The following RBM25 variants were observed in gnomAD, a reference collection of about 807,000 sequenced individuals.
RBM25 encodes the protein RNA binding motif protein 25, also known as RNA-binding protein 25.
In RBM25, 19 loss-of-function variants were observed where a neutral mutation model predicts 120.7. That is an observed-to-expected ratio of 0.16 (90% CI 0.11 to 0.23). RBM25 has a LOEUF of 0.23. Among genes scored for constraint, RBM25 ranks in the 10% least tolerant of loss-of-function variants. The pLI, the probability that RBM25 is intolerant of heterozygous loss-of-function variation, is 1.00. For synonymous variants in RBM25, 390 were observed against 326.7 expected, an observed-to-expected ratio of 1.19 and a Z score of -2.09; for missense variants, 605 against 1,041.5, an observed-to-expected ratio of 0.58 and a Z score of 5.77.
chr14:73,115,153 CGTGTGTGTGTGTGTGT>C (rs33924709), intron 18 of RBM25, among the ~76,000 whole-genome samples: 2 of 146,676 alleles, frequency 1.4e-5, no homozygotes, highest in Admixed American at 6.8e-5. Flanking sequence ...GGAACTGATA[CGTGTGTGTGTGTGTGT>C]GTGTGTGTGT....
At position 73,121,847 on chromosome 14, in the gene RBM25, G is replaced by T. The variant is rs947400730; in HGVS notation, c.*2042G>T. 2.0e-5 allele frequency: 3 copies of T among 152,126 alleles called. No individual in the cohort carries two copies. The highest frequency in any genetic ancestry group is 7.2e-5 in the African/African-American group (3 of 41,446). The allele number at this position is 152,126 out of a possible 1,614,324, so 9.4% of individuals were successfully genotyped here. ...TGAAACCTTTGGGGAGATGTACTCT[G>T]TACTGCATAACATCTCCAGTGAGGT... On this transcript the variant is annotated 3_prime_UTR_variant, in exon 19 of 19. Transcript: ENST00000261973.
chr14:73,118,675 A>G (rs975186231), intron 18 of RBM25, among the ~76,000 whole-genome samples: 7 of 152,148 alleles, frequency 4.6e-5, no homozygotes, highest in African/African-American at 1.7e-4. Flanking sequence ...AAAGAATAAA[A>G]GGTGGATCAC....
chr14:73,088,467 C>T, intron 6 of RBM25: 1 of 492,432 alleles, frequency 2.0e-6, no homozygotes, highest in Non-Finnish European at 3.9e-6. Flanking sequence ...ATTAAGGCAG[C>T]TTTGTAAGTA....
chr14:73,093,948 G>GTTTTTTTT (rs1004873413), intron 6 of RBM25, among the ~76,000 whole-genome samples: 58 of 122,184 alleles, frequency 4.7e-4, no homozygotes, highest in African/African-American at 1.6e-3. Context: ...ATCAGGTTTT[G>GTTTTTTTT]TTTTTTTTTT....
rs1413864667 is a variant in RBM25, at chr14:73,120,067, T to TAGAA, written c.*263_*264insGAAA. 6.2e-6 allele frequency: 2 copies of TAGAA among 321,034 alleles called. No homozygotes were observed. Among genetic ancestry groups the TAGAA allele is most frequent in the Non-Finnish European group, 1.1e-5 (2 of 179,386 alleles). The allele number at this position is 321,034 out of a possible 1,614,324, so 19.9% of individuals were successfully genotyped here. A position where few individuals can be genotyped will look rare whatever the true frequency, so the allele number is the denominator to read the frequency against. ...TAAGCCGCAGCTACTGTACACAGCCTATCTGATATAATCTTGTTCTGCTGA... is the reference window on the plus strand; with the variant it reads ...TAAGCCGCAGCTACTGTACACAGCCTAGAAATCTGATATAATCTTGTTCTGCTGA... On this transcript the variant is annotated 3_prime_UTR_variant, in exon 19 of 19. Transcript: ENST00000261973.
chr14:73,083,706 G>C (rs541827509), intron 5 of RBM25, among the ~76,000 whole-genome samples, 155 bp downstream of exon 5: 60 of 152,222 alleles, frequency 3.9e-4, no homozygotes, highest in Admixed American at 9.2e-4. Flanking sequence ...TTAAAAGGCA[G>C]TTTGGGAAAA....
rs957303655 is a variant in RBM25, at chr14:73,075,476, G to T, written c.107-843G>T. Among the ~76,000 whole-genome samples, 3 of 151,858 alleles carry T rather than the reference G, an allele frequency of 2.0e-5. No homozygotes were observed. In the South Asian group the frequency reaches 6.2e-4, roughly 32 times the overall value. ...GCCCGGCCCATGATTTTTATTTTCTGCGAAAGAGCCAGGAATAACAAGATT... is the reference window on the plus strand; with the variant it reads ...GCCCGGCCCATGATTTTTATTTTCTTCGAAAGAGCCAGGAATAACAAGATT... On this transcript the variant is annotated intron_variant, in intron 2 of 18. Coordinates refer to ENST00000261973, the MANE Select transcript of RBM25 (RefSeq NM_021239.3).
chr14:73,114,774 G>A (rs904248549), intron 18 of RBM25, among the ~76,000 whole-genome samples: 1 of 152,132 alleles, frequency 6.6e-6, no homozygotes, highest in Non-Finnish European at 1.5e-5. Context: ...TGTGCCTATA[G>A]TCCCAGCTAC....
intron 18 of RBM25, among the ~76,000 whole-genome samples, chr14:73,116,664 G>A (rs886965947): frequency 6.6e-6 from 1 of 152,172 alleles, no homozygotes; most frequent in Admixed American, 6.5e-5. Flanking sequence ...AGTTAGGCCT[G>A]AGTGAAGACA....
chr14:73,107,932 G>T, intron 13 of RBM25, 33 bp downstream of exon 13: 1 of 1,462,514 alleles, frequency 6.8e-7, no homozygotes, highest in Non-Finnish European at 9.4e-7. Context: ...ATTCATACTT[G>T]GTTTTTTATT....
chr14:73,091,123 A>G (rs534548326), intron 6 of RBM25, among the ~76,000 whole-genome samples: 84 of 152,352 alleles, frequency 5.5e-4, no homozygotes, highest in African/African-American at 1.5e-3. Flanking sequence ...TAGCATTTGC[A>G]AATGTTATAC....
At position 73,077,390 on chromosome 14, in the gene RBM25, A is replaced by T. The variant is rs367557836; in HGVS notation, c.178A>T (p.Met60Leu). 2.5e-6 allele frequency: 4 copies of T among 1,612,850 alleles called. No individual in the cohort carries two copies. The highest frequency in any genetic ancestry group is 2.5e-6 in the Non-Finnish European group (3 of 1,179,388). Residue 60 changes from methionine to leucine, a missense_variant, in exon 4 of 19, where the codon ATG becomes TTG. Coordinates refer to ENST00000261973, the MANE Select transcript of RBM25 (RefSeq NM_021239.3). Reference sequence around the variant, plus strand: ...TTAGGTCTTAGTACCCACTGTGTCTATGGTTGGAAAGCATTTGGGCGCAAG... The same window carrying T: ...TTAGGTCTTAGTACCCACTGTGTCTTTGGTTGGAAAGCATTTGGGCGCAAG... The part of the protein sequence containing the change: ...APTVLVPTVS[M>L]VGKHLGARKD...
chr14:73,073,563 C>T (rs572387106), intron 2 of RBM25, among the ~76,000 whole-genome samples: 219 of 152,122 alleles, frequency 1.4e-3, no homozygotes, highest in African/African-American at 4.9e-3. Context: ...GTGGCTCAGG[C>T]GTGAATCCCA....
chr14:73,085,628 AT>A (rs1264865713), intron 5 of RBM25, among the ~76,000 whole-genome samples: 2 of 151,714 alleles, frequency 1.3e-5, no homozygotes, highest in Non-Finnish European at 2.9e-5. Context: ...GGTTTTTTTA[AT>A]AGAGGCGGGA....
chr14:73,113,889 T>C (rs1896368952), intron 17 of RBM25, among the ~76,000 whole-genome samples: 1 of 152,178 alleles, frequency 6.6e-6, no homozygotes, highest in African/African-American at 2.4e-5. Context: ...CATTGTCTCC[T>C]GAAAACATAG....
At chr14:73,073,189 A>G (rs1895335272) in intron 2 of RBM25, among the ~76,000 whole-genome samples, 1 of 152,096 alleles carries the variant, frequency 6.6e-6, no homozygotes, top group Non-Finnish European at 1.5e-5. Context: ...TCAGCCTTCC[A>G]AAGTTCTGGG....
At chr14:73,084,407 A>G (rs972178406) in intron 5 of RBM25, among the ~76,000 whole-genome samples, 16 of 152,128 alleles carry the variant, frequency 1.1e-4, no homozygotes, top group Non-Finnish European at 1.9e-4. Context: ...AAACTGGGTC[A>G]TTTGTGCAAT....
rs1032699946 is a variant in RBM25 at position 73,121,405 on chromosome 14, C to T, written c.*1600C>T. 1 of 152,350 alleles carries T rather than the reference C, an allele frequency of 6.6e-6. No homozygotes were observed. Among genetic ancestry groups the T allele is most frequent in the African/African-American group, 2.4e-5 (1 of 41,324 alleles). 9.4% of individuals were successfully genotyped at this position (152,350 alleles called of 1,614,324 possible). On this transcript the variant is annotated 3_prime_UTR_variant, in exon 19 of 19. Transcript: ENST00000261973. The stretch of plus-strand genomic sequence containing the variant: ...ATACTAGAAAAGTTAAAAATATGGG[C>T]TGAACTTTTTATGGACTTGATTTTT...
At chr14:73,085,571 A>C (rs1393000417) in intron 5 of RBM25, among the ~76,000 whole-genome samples, 1 of 151,698 alleles carries the variant, frequency 6.6e-6, no homozygotes, top group Non-Finnish European at 1.5e-5. Flanking sequence ...CAGCCTCCTG[A>C]GTAGCCAGGA....
Sources: gnomAD v4.1 joint callset for allele counts (sites outside exome capture counted in the v4.1 genomes callset) on GRCh38, gnomAD v4.1.1 for gene constraint, MANE v1.5 for transcripts, NCBI Gene and HGNC (gene_info 2026-07-23, HGNC 2026-07-21) for gene names.